Variants in ASIC2 observed in about 807,000 individuals in gnomAD.
ASIC2 encodes the protein acid sensing ion channel subunit 2.
A neutral mutation model predicts 57.3 loss-of-function variants in ASIC2; 25 were observed. The ratio of observed to expected loss-of-function variants is 0.44; its 90% CI spans 0.32 to 0.61. The LOEUF is 0.61. ASIC2 is among the 20% of genes least tolerant of loss of function. ASIC2 has a pLI of 0.06. For missense variants in ASIC2, 641 were observed against 738.1 expected, an observed-to-expected ratio of 0.87 and a Z score of 1.52; for synonymous variants, 319 against 307.5, an observed-to-expected ratio of 1.04 and a Z score of -0.39.
chr17:33,160,582 T>C (rs1476808830), intron 1 of ASIC2, among the ~76,000 whole-genome samples: 1 of 152,250 alleles, frequency 6.6e-6, no homozygotes, highest in African/African-American at 2.4e-5. Flanking sequence ...TTGTTCTGCA[T>C]GGGCAGAGCC....
At chr17:33,421,545 C>T (rs186059771) in intron 1 of ASIC2, among the ~76,000 whole-genome samples, 37 of 152,256 alleles carry the variant, frequency 2.4e-4, no homozygotes, top group Non-Finnish European at 4.3e-4. Flanking sequence ...ACAACCATTG[C>T]GGTAAGGAGT....
chr17:33,518,852 G>A lies in ASIC2; in HGVS notation c.556-406785C>T, dbSNP rs139197774. The stretch of plus-strand genomic sequence containing the variant: ...TTTTTTTTTTTTGAGATGGAGTCTC[G>A]CTCTGTCACCCAGGCTGGAGTACAG... On this transcript the variant is annotated intron_variant, in intron 1 of 9. Coordinates refer to the ASIC2 transcript ENST00000359872. Among the ~76,000 whole-genome samples, 481 of 150,892 alleles carry A rather than the reference G, an allele frequency of 3.2e-3. 2 individuals are homozygous for A. The highest frequency in any genetic ancestry group is 0.011 in the African/African-American group (449 of 41,036).
intron 1 of ASIC2, among the ~76,000 whole-genome samples, chr17:33,995,018 G>A (rs886844632): frequency 7.9e-5 from 12 of 152,116 alleles, no homozygotes; most frequent in African/African-American, 2.9e-4. Flanking sequence ...CCTGAGATGT[G>A]TTAGAGGACT....
chr17:33,435,147 G>A (rs1371220210), intron 1 of ASIC2, among the ~76,000 whole-genome samples: 1 of 152,118 alleles, frequency 6.6e-6, no homozygotes, highest in East Asian at 1.9e-4. Flanking sequence ...TGAATACAGT[G>A]TATAAATTTT....
At chr17:33,917,115 A>G (rs1451230295) in intron 1 of ASIC2, among the ~76,000 whole-genome samples, 2 of 152,020 alleles carry the variant, frequency 1.3e-5, no homozygotes, top group East Asian at 1.9e-4. Flanking sequence ...TGCCTTTCTA[A>G]TCACATATTC....
chr17:33,232,101 A>G lies in ASIC2; in HGVS notation c.708+59307T>C, dbSNP rs1200872589. 2.6e-5 allele frequency among the ~76,000 whole-genome samples: 4 copies of G among 152,132 alleles called. No homozygotes were observed. In the East Asian group the frequency reaches 7.7e-4, roughly 29 times the overall value. On this transcript the variant is annotated intron_variant, in intron 1 of 9. Transcript: ENST00000225823. ...TGTTGAATTCCTAGCTCCGGAAGTGATGGTATTTGGAGGTGGAGGCCTTGG... is the reference window on the plus strand; with the variant it reads ...TGTTGAATTCCTAGCTCCGGAAGTGGTGGTATTTGGAGGTGGAGGCCTTGG...
intron 2 of ASIC2, among the ~76,000 whole-genome samples, chr17:33,092,720 C>T (rs1195064499): frequency 6.6e-6 from 1 of 152,254 alleles, no homozygotes; most frequent in Non-Finnish European, 1.5e-5. Context: ...ACTCTTTCTA[C>T]TCCACCAGGA....
At chr17:33,561,635 G>C (rs1330282681) in intron 1 of ASIC2, among the ~76,000 whole-genome samples, 3 of 152,150 alleles carry the variant, frequency 2.0e-5, no homozygotes, top group Non-Finnish European at 4.4e-5. Context: ...ATACACTTTG[G>C]TGTTTTTATT....
intron 1 of ASIC2, among the ~76,000 whole-genome samples, chr17:33,354,827 G>A (rs936820826): frequency 2.9e-4 from 44 of 152,074 alleles, no homozygotes; most frequent in Admixed American, 6.6e-5. Flanking sequence ...GGCAGAGCTC[G>A]TGTCCTTTTA....
At position 33,410,435 on chromosome 17, in the gene ASIC2, G is replaced by A. The variant is rs563989655; in HGVS notation, c.556-298368C>T. The stretch of plus-strand genomic sequence containing the variant: ...CTTATTATTTCTCTCTTTGAATTGG[G>A]AAAAAAATTAATAATCCAGCTTAGG... On this transcript the variant is annotated intron_variant, in intron 1 of 9. Transcript: ENST00000359872. Among the ~76,000 whole-genome samples the A allele has an allele frequency of 4.6e-5, 7 of 152,256 alleles. No homozygotes were observed. In the South Asian group the frequency reaches 1.2e-3, roughly 27 times the overall value.
In ASIC2 at chr17:33,053,901, G is replaced by C. The variant is rs1181540831; in HGVS notation, c.988-25509C>G. Reference sequence around the variant, plus strand: ...CAGTTAGCAAAATCTAGTGAAGCAAGCGTTTCTGATTGCTAAGGATTTAAT... The same window carrying C: ...CAGTTAGCAAAATCTAGTGAAGCAACCGTTTCTGATTGCTAAGGATTTAAT... On this transcript the variant is annotated intron_variant, in intron 3 of 9. Coordinates refer to ENST00000225823, the MANE Select transcript of ASIC2 (RefSeq NM_183377.2). 2.0e-5 allele frequency among the ~76,000 whole-genome samples: 3 copies of C among 152,158 alleles called. No homozygotes were observed. The East Asian group carries it at 5.8e-4, about 29-fold the overall frequency.
chr17:33,784,852 T>C (rs540255337), intron 1 of ASIC2, among the ~76,000 whole-genome samples: 1 of 152,316 alleles, frequency 6.6e-6, no homozygotes, highest in South Asian at 2.1e-4. Context: ...TAGTGAAGTG[T>C]GCAGGACCTT....
chr17:33,461,490 T>C (rs1311103067), intron 1 of ASIC2, among the ~76,000 whole-genome samples: 5 of 152,166 alleles, frequency 3.3e-5, no homozygotes, highest in Non-Finnish European at 5.9e-5. Flanking sequence ...CTGTCCAAGC[T>C]CTACTTGCTG....
intron 1 of ASIC2, among the ~76,000 whole-genome samples, chr17:34,127,835 G>A (rs1337699700): frequency 1.3e-5 from 2 of 152,124 alleles, no homozygotes; most frequent in African/African-American, 4.8e-5. Flanking sequence ...GCAAATTCAG[G>A]GATCCCTGGA....
chr17:33,610,110 A>T lies in ASIC2; in HGVS notation c.556-498043T>A, dbSNP rs1905353564. Among the ~76,000 whole-genome samples, 4 of 151,930 alleles carry T rather than the reference A, an allele frequency of 2.6e-5. No individual in the cohort carries two copies. The South Asian group carries it at 8.3e-4, about 32-fold the overall frequency. On this transcript the variant is annotated intron_variant, in intron 1 of 9. Coordinates refer to the ASIC2 transcript ENST00000359872. ...CACAGATATATGCACACACAACTGG[A>T]TGCATGCCTTGAGTCTGAAAGAAGC...
chr17:34,073,599 C>T (rs897037142), intron 1 of ASIC2, among the ~76,000 whole-genome samples: 1 of 152,102 alleles, frequency 6.6e-6, no homozygotes, highest in Non-Finnish European at 1.5e-5. Flanking sequence ...GTATCGGGGA[C>T]CCATAATGTT....
chr17:33,403,574 GC>G (rs1211989211), intron 1 of ASIC2, among the ~76,000 whole-genome samples: 1 of 152,192 alleles, frequency 6.6e-6, no homozygotes. Context: ...TCAGTGAAAA[GC>G]CTTGTTTGGT....
At chr17:33,363,578 G>A (rs961325637) in intron 1 of ASIC2, among the ~76,000 whole-genome samples, 3 of 152,184 alleles carry the variant, frequency 2.0e-5, no homozygotes, top group Admixed American at 6.5e-5. Context: ...CCTGCGTTCC[G>A]AGCTGCATGG....
At chr17:33,921,271 T>C (rs1244547958) in intron 1 of ASIC2, among the ~76,000 whole-genome samples, 6 of 152,174 alleles carry the variant, frequency 3.9e-5, no homozygotes, top group Admixed American at 1.3e-4. Flanking sequence ...AAAACCAGTG[T>C]AATGATGTCT....
Sources: allele counts gnomAD v4.1 joint callset (sites outside exome capture counted in the v4.1 genomes callset), GRCh38; gene constraint gnomAD v4.1.1; transcripts MANE v1.5; gene names NCBI Gene and HGNC (gene_info 2026-07-23, HGNC 2026-07-21).